Variants in DGKH observed in about 807,000 individuals in gnomAD.
DGKH encodes the protein DAG kinase eta.
In DGKH, 90 loss-of-function variants were observed where a neutral mutation model predicts 159.3. The ratio of observed to expected loss-of-function variants is 0.57; its 90% CI spans 0.48 to 0.67. DGKH has a LOEUF of 0.67. Among genes scored for constraint, DGKH ranks in the 30% least tolerant of loss-of-function variants. The probability of loss-of-function intolerance (pLI) is 0.00; values close to 1 mark genes in which losing one functional copy is unlikely to be tolerated. For synonymous variants in DGKH, 536 were observed against 553.8 expected (o/e 0.97, Z 0.45); for missense variants, 1,181 against 1,506.1 (o/e 0.78, Z 3.57).
At chr13:42,112,091 A>T (rs1278065838) in intron 1 of DGKH, among the ~76,000 whole-genome samples, 1 of 152,240 alleles carries the variant, frequency 6.6e-6, no homozygotes, top group Non-Finnish European at 1.5e-5. Context: ...GACAACCAGA[A>T]TCAGAACATG....
intron 13 of DGKH, among the ~76,000 whole-genome samples, chr13:42,184,852 G>A (rs1566168694): frequency 6.7e-6 from 1 of 149,074 alleles, no homozygotes. Context: ...AGGCAACTGA[G>A]CAAGACCCCC....
At chr13:42,090,389 A>C (rs1300272828) in intron 1 of DGKH, among the ~76,000 whole-genome samples, 1 of 152,166 alleles carries the variant, frequency 6.6e-6, no homozygotes, top group Non-Finnish European at 1.5e-5. Context: ...TTTTTCATAA[A>C]TAGAAAAATA....
intron 1 of DGKH, among the ~76,000 whole-genome samples, chr13:42,123,108 A>T (rs2137830077): frequency 6.6e-6 from 1 of 152,314 alleles, no homozygotes; most frequent in Non-Finnish European, 1.5e-5. Context: ...TCTATTTCTT[A>T]GTTACATATT....
intron 1 of DGKH, among the ~76,000 whole-genome samples, chr13:42,051,229 G>GTAT (rs1300214968): frequency 1.3e-5 from 2 of 152,172 alleles, no homozygotes; most frequent in Non-Finnish European, 2.9e-5. Flanking sequence ...TTTCAAAAGT[G>GTAT]TATTGAATGT....
chr13:42,192,687 T>A (rs347389), intron 16 of DGKH, among the ~76,000 whole-genome samples: 65,903 of 151,394 alleles, frequency 0.44, 14,662 homozygotes, highest in Admixed American at 0.55. Flanking sequence ...GGCAGCCCTT[T>A]AATGATACCA....
intron 12 of DGKH, among the ~76,000 whole-genome samples, chr13:42,177,578 G>A (rs185796128): frequency 1.6e-4 from 25 of 152,240 alleles, no homozygotes; most frequent in African/African-American, 3.6e-4. Context: ...CTATCAAATC[G>A]TTTGTGAGAG....
chr13:42,092,217 T>C (rs1171546285), intron 1 of DGKH, among the ~76,000 whole-genome samples: 1 of 152,190 alleles, frequency 6.6e-6, no homozygotes, highest in Non-Finnish European at 1.5e-5. Context: ...ATCTACTGTA[T>C]GATCCAGCAA....
chr13:42,215,293 A>G (rs924528310), intron 25 of DGKH, among the ~76,000 whole-genome samples: 2 of 152,016 alleles, frequency 1.3e-5, no homozygotes, highest in Admixed American at 1.3e-4. Context: ...TAACTTTTTA[A>G]TGGGAATATG....
intron 1 of DGKH, among the ~76,000 whole-genome samples, chr13:42,105,949 T>C (rs1314584916): frequency 6.6e-6 from 1 of 152,166 alleles, no homozygotes. Flanking sequence ...ATGTATTTCA[T>C]ATGTGAATAA....
intron 5 of DGKH, among the ~76,000 whole-genome samples, chr13:42,156,136 T>C (rs1387860231): frequency 1.3e-5 from 2 of 152,226 alleles, no homozygotes; most frequent in African/African-American, 2.4e-5. Context: ...GTTAATTATA[T>C]TGCATTGTTT....
intron 1 of DGKH, among the ~76,000 whole-genome samples, chr13:42,065,719 G>C (rs1365584700): frequency 1.3e-5 from 2 of 152,084 alleles, no homozygotes; most frequent in African/African-American, 4.8e-5. Flanking sequence ...GGAAATACTT[G>C]GGTGAGGAAG....
intron 1 of DGKH, among the ~76,000 whole-genome samples, chr13:42,042,523 C>G (rs922013793): frequency 1.3e-5 from 2 of 152,188 alleles, no homozygotes; most frequent in African/African-American, 2.4e-5. Flanking sequence ...ATACTTTATT[C>G]AGACTGCAGA....
intron 29 of DGKH, among the ~76,000 whole-genome samples, chr13:42,225,095 T>C (rs1296935047): frequency 6.6e-6 from 1 of 152,010 alleles, no homozygotes; most frequent in East Asian, 1.9e-4. Flanking sequence ...CTAATATCTT[T>C]TATTTTTTGT....
chr13:42,126,488 A>G (rs947079474), intron 1 of DGKH, among the ~76,000 whole-genome samples: 2 of 152,162 alleles, frequency 1.3e-5, no homozygotes, highest in Non-Finnish European at 2.9e-5. Context: ...GATGGAGGAA[A>G]TCAAGAGAGG....
intron 1 of DGKH, among the ~76,000 whole-genome samples, chr13:42,087,893 A>G (rs1223173736): frequency 6.6e-6 from 1 of 152,114 alleles, no homozygotes; most frequent in African/African-American, 2.4e-5. Flanking sequence ...GATGAAAATT[A>G]TAAATTCACA....
chr13:42,156,126 G>T (rs1956038123), intron 5 of DGKH, among the ~76,000 whole-genome samples: 1 of 152,134 alleles, frequency 6.6e-6, no homozygotes, highest in South Asian at 2.1e-4. Context: ...ATTTCTGATT[G>T]TTAATTATAT....
intron 3 of DGKH, among the ~76,000 whole-genome samples, chr13:42,134,799 ACCCC>A (rs1351408763): frequency 6.6e-6 from 1 of 151,420 alleles, no homozygotes; most frequent in Admixed American, 6.6e-5. Flanking sequence ...GGCTAGGCGA[ACCCC>A]CCTTGTCTAC....
chr13:42,183,090 A>G (rs1435719989), intron 13 of DGKH, among the ~76,000 whole-genome samples: 1 of 152,158 alleles, frequency 6.6e-6, no homozygotes, highest in African/African-American at 2.4e-5. Context: ...GGAGTTCAAG[A>G]CCAGCCTGGG....
At chr13:42,092,925 A>C (rs988363791) in intron 1 of DGKH, among the ~76,000 whole-genome samples, 5 of 152,174 alleles carry the variant, frequency 3.3e-5, no homozygotes, top group Non-Finnish European at 7.3e-5. Flanking sequence ...AAGGTATACA[A>C]ATCATCAGCA....
Sources: allele counts gnomAD v4.1 joint callset (sites outside exome capture counted in the v4.1 genomes callset), GRCh38; gene constraint gnomAD v4.1.1; transcripts MANE v1.5; gene names NCBI Gene and HGNC (gene_info 2026-07-23, HGNC 2026-07-21).